PTPRO: variants seen among roughly 807,000 people sequenced by gnomAD.
PTPRO encodes receptor-type tyrosine-protein phosphatase O.
A neutral mutation model predicts 145.2 loss-of-function variants in PTPRO; 62 were observed. The ratio of observed to expected loss-of-function variants is 0.43; its 90% confidence interval spans 0.35 to 0.53. PTPRO has a LOEUF of 0.53. Ranked by LOEUF, PTPRO falls within the 20% of genes least tolerant of loss-of-function variation. The pLI, the probability that PTPRO is intolerant of heterozygous loss-of-function variation, is 0.01. For synonymous variants in PTPRO, 565 were observed against 514.7 expected, an observed-to-expected ratio of 1.10 and a Z score of -1.32; for missense variants, 1,345 against 1,482.7, an observed-to-expected ratio of 0.91 and a Z score of 1.53.
intron 1 of PTPRO, among the ~76,000 whole-genome samples, chr12:15,448,030 C>T (rs2136372499): frequency 6.6e-6 from 1 of 152,008 alleles, no homozygotes; most frequent in South Asian, 2.1e-4. Flanking sequence ...TCAAATATTC[C>T]AAATGGCATT....
intron 1 of PTPRO, among the ~76,000 whole-genome samples, chr12:15,388,207 C>T (rs1394563486): frequency 2.0e-5 from 3 of 151,760 alleles, no homozygotes; most frequent in Non-Finnish European, 4.4e-5. Flanking sequence ...TAATTTCCAT[C>T]GTGTTAGAAT....
intron 1 of PTPRO, among the ~76,000 whole-genome samples, chr12:15,474,347 C>A (rs933939806): frequency 6.6e-6 from 1 of 152,166 alleles, no homozygotes; most frequent in Admixed American, 6.5e-5. Flanking sequence ...AGCTTCTCTC[C>A]CCGAAGACTG....
At chr12:15,535,288 G>A (rs1170025240) in intron 12 of PTPRO, among the ~76,000 whole-genome samples, 1 of 152,132 alleles carries the variant, frequency 6.6e-6, no homozygotes, top group Non-Finnish European at 1.5e-5. Flanking sequence ...AAATCACCAA[G>A]TAGTAAGTAA....
chr12:15,465,813 T>C (rs1401660078), intron 1 of PTPRO, among the ~76,000 whole-genome samples: 1 of 152,124 alleles, frequency 6.6e-6, no homozygotes, highest in Non-Finnish European at 1.5e-5. Flanking sequence ...TCAGATAAGA[T>C]GGATGGTAAA....
At position 15,497,289 on chromosome 12, in the gene PTPRO, T is replaced by C; in HGVS notation, c.394T>C (p.Ser132Pro). 1 of 1,588,548 alleles carries C rather than the reference T, an allele frequency of 6.3e-7. No homozygotes were observed. The highest frequency in any genetic ancestry group is 8.6e-7 in the Non-Finnish European group (1 of 1,157,052). ...TSVSIYDYKP[S>P]PETGVLFEIH... is the part of the protein sequence containing the mutation. ...TGTTTCCATATATGACTATAAACCTTCTCCTGAAACAGGAGTCCTGTTTGA... is the reference window on the plus strand; with the variant it reads ...TGTTTCCATATATGACTATAAACCTCCTCCTGAAACAGGAGTCCTGTTTGA... Residue 132 changes from serine to proline, a missense_variant, in exon 3 of 27, where the codon TCT becomes CCT. By Grantham distance (74) the Ser-to-Pro change is moderately conservative. Coordinates refer to ENST00000281171, the MANE Select transcript of PTPRO (RefSeq NM_030667.3).
At chr12:15,456,444 G>C (rs999141701) in intron 1 of PTPRO, among the ~76,000 whole-genome samples, 1 of 152,086 alleles carries the variant, frequency 6.6e-6, no homozygotes, top group Non-Finnish European at 1.5e-5. Flanking sequence ...TTCTTACAGT[G>C]TCTTTGTTTG....
At chr12:15,414,279 G>T (rs1204435089) in intron 1 of PTPRO, among the ~76,000 whole-genome samples, 1 of 152,090 alleles carries the variant, frequency 6.6e-6, no homozygotes, top group Non-Finnish European at 1.5e-5. Flanking sequence ...TGCAGATTTC[G>T]ATTTATGTAT....
chr12:15,532,898 G>A (rs1265333925), intron 12 of PTPRO, among the ~76,000 whole-genome samples: 1 of 152,098 alleles, frequency 6.6e-6, no homozygotes, highest in Non-Finnish European at 1.5e-5. Context: ...GCTATTAAGT[G>A]TTTCTCAGGT....
At chr12:15,333,334 C>T (rs1357102488) in intron 1 of PTPRO, among the ~76,000 whole-genome samples, 3 of 152,166 alleles carry the variant, frequency 2.0e-5, no homozygotes, top group African/African-American at 7.2e-5. Flanking sequence ...CACTAAATGA[C>T]ATTACATTGC....
At chr12:15,367,055 T>C (rs1290121737) in intron 1 of PTPRO, among the ~76,000 whole-genome samples, 1 of 152,212 alleles carries the variant, frequency 6.6e-6, no homozygotes, top group African/African-American at 2.4e-5. Flanking sequence ...AAGGAAGTTA[T>C]GATCATTTAT....
chr12:15,557,004 T>A (rs1331228150), intron 15 of PTPRO, among the ~76,000 whole-genome samples: 2 of 151,842 alleles, frequency 1.3e-5, no homozygotes, highest in Non-Finnish European at 2.9e-5. Flanking sequence ...AGGGAACATA[T>A]GGAACTTCTA....
At chr12:15,416,341 A>G (rs1939973535) in intron 1 of PTPRO, among the ~76,000 whole-genome samples, 1 of 142,440 alleles carries the variant, frequency 7.0e-6, no homozygotes, top group African/African-American at 2.7e-5. Context: ...TTTTTTTGAG[A>G]CAGAGTCTCG....
At chr12:15,360,499 C>T (rs1293612443) in intron 1 of PTPRO, among the ~76,000 whole-genome samples, 1 of 152,012 alleles carries the variant, frequency 6.6e-6, no homozygotes, top group Non-Finnish European at 1.5e-5. Context: ...AAGTGCCATG[C>T]AGGAACAACA....
intron 25 of PTPRO, among the ~76,000 whole-genome samples, chr12:15,594,544 TA>T (rs1264706976): frequency 6.6e-6 from 1 of 151,830 alleles, no homozygotes; most frequent in Non-Finnish European, 1.5e-5. Flanking sequence ...TATATGTATA[TA>T]TACACACACA....
chr12:15,342,979 C>T (rs1180357281), intron 1 of PTPRO, among the ~76,000 whole-genome samples: 2 of 152,102 alleles, frequency 1.3e-5, no homozygotes, highest in African/African-American at 4.8e-5. Context: ...TAGGCACAAG[C>T]TGGGATCTCC....
At chr12:15,406,035 CTAAAT>C (rs1939639484) in intron 1 of PTPRO, among the ~76,000 whole-genome samples, 2 of 152,052 alleles carry the variant, frequency 1.3e-5, no homozygotes, top group East Asian at 3.8e-4. Context: ...TATTCTTTAA[CTAAAT>C]TATTTTATAT....
chr12:15,430,928 AGACTT>A (rs1289499142), intron 1 of PTPRO, among the ~76,000 whole-genome samples: 4 of 152,228 alleles, frequency 2.6e-5, no homozygotes, highest in African/African-American at 9.6e-5. Flanking sequence ...ATGCTAAAGA[AGACTT>A]GACTTTGTTA....
intron 8 of PTPRO, 117 bp downstream of exon 8, chr12:15,515,735 C>A: frequency 7.6e-7 from 1 of 1,307,224 alleles, no homozygotes; most frequent in Non-Finnish European, 1.1e-6. Flanking sequence ...ATTAGTTCAT[C>A]CAATATGCTA....
In PTPRO at chr12:15,443,425, G is replaced by T. The variant is rs540061509; in HGVS notation, c.76-40549G>T. 3.9e-5 allele frequency among the ~76,000 whole-genome samples: 6 copies of T among 152,196 alleles called. No individual in the cohort carries two copies. In the South Asian group the frequency reaches 1.2e-3, roughly 32 times the overall value. On this transcript the variant is annotated intron_variant, in intron 1 of 26. Coordinates refer to ENST00000281171, the MANE Select transcript of PTPRO (RefSeq NM_030667.3). ...AAGAAAACCTAGGAAACACCAATCTGGACATCGGCCTGGGGAAAGTATTGA... is the reference window on the plus strand; with the variant it reads ...AAGAAAACCTAGGAAACACCAATCTTGACATCGGCCTGGGGAAAGTATTGA...
Sources: gnomAD v4.1 joint callset for allele counts (sites outside exome capture counted in the v4.1 genomes callset) on GRCh38, gnomAD v4.1.1 for gene constraint, MANE v1.5 for transcripts, NCBI Gene and HGNC (gene_info 2026-07-23, HGNC 2026-07-21) for gene names.